The following DBN1 variants were observed in gnomAD, a reference collection of about 807,000 sequenced individuals.
The protein encoded by DBN1 is drebrin.
DBN1 carries 21 observed loss-of-function variants against 83.5 expected under a neutral mutation model. That is an observed-to-expected ratio of 0.25 (90% confidence interval 0.18 to 0.36). The LOEUF is 0.36. Ranked by LOEUF, DBN1 falls within the 10% of genes least tolerant of loss-of-function variation. The probability of loss-of-function intolerance (pLI) is 1.00; values close to 1 mark genes in which losing one functional copy is unlikely to be tolerated. For synonymous variants in DBN1, 381 were observed against 384.9 expected (o/e 0.99, Z 0.12); for missense variants, 874 against 935.7 (o/e 0.93, Z 0.86).
At chr5:177,471,985 C>G in intron 1 of DBN1, 3 of 991,774 alleles carry the variant, frequency 3.0e-6, no homozygotes, top group Non-Finnish European at 4.3e-6. Flanking sequence ...TATCCCAAAG[C>G]CAGCTCCTTC....
chr5:177,465,454 A>T (rs1042303869), intron 8 of DBN1, among the ~76,000 whole-genome samples: 1 of 152,236 alleles, frequency 6.6e-6, no homozygotes, highest in African/African-American at 2.4e-5. Context: ...TTTGTGTTTA[A>T]TGGATGGTGG....
intron 8 of DBN1, among the ~76,000 whole-genome samples, chr5:177,463,279 C>T (rs1016523719): frequency 1.2e-4 from 19 of 152,164 alleles, no homozygotes; most frequent in African/African-American, 3.1e-4. Context: ...CCTCATGATC[C>T]GCCTGCCTTG....
At chr5:177,460,121 C>T (rs1561679216) in intron 10 of DBN1, among the ~76,000 whole-genome samples, 1 of 152,248 alleles carries the variant, frequency 6.6e-6, no homozygotes, top group African/African-American at 2.4e-5. Context: ...GCATTCCGGC[C>T]TTCCAGGCCA....
At chr5:177,471,509 C>T (rs537560067) in intron 1 of DBN1, among the ~76,000 whole-genome samples, 3 of 152,178 alleles carry the variant, frequency 2.0e-5, no homozygotes, top group Admixed American at 6.5e-5. Flanking sequence ...GCAATTTACC[C>T]AAGACACCCC....
At chr5:177,462,262 G>C in intron 8 of DBN1, 1 of 984,834 alleles carries the variant, frequency 1.0e-6, no homozygotes, top group Non-Finnish European at 1.2e-6. Context: ...TCCTCAGCAC[G>C]ACGCAGTCAG....
At chr5:177,457,887 T>C (rs1293858718) in intron 13 of DBN1, 130 bp from the exon 14 acceptor site, 2 of 1,113,290 alleles carry the variant, frequency 1.8e-6, no homozygotes, top group Non-Finnish European at 2.7e-6. Flanking sequence ...GATGCCTGCC[T>C]TGGGAACAAA....
intron 1 of DBN1, among the ~76,000 whole-genome samples, chr5:177,471,629 C>A (rs1358830017): frequency 6.6e-6 from 1 of 152,186 alleles, no homozygotes. Context: ...AGAAAGTGAT[C>A]CTCACACCCC....
At chr5:177,460,091 G>T (rs1290527432) in intron 10 of DBN1, among the ~76,000 whole-genome samples, 1 of 152,200 alleles carries the variant, frequency 6.6e-6, no homozygotes, top group Admixed American at 6.5e-5. Flanking sequence ...TCAGGCCCGG[G>T]GCAAGAGCCC....
rs1581722809 is a variant in DBN1 at position 177,462,380 on chromosome 5, G to C, written c.772-1677C>G. On this transcript the variant is annotated intron_variant, in intron 8 of 14. Coordinates refer to ENST00000393565, the MANE Select transcript of DBN1 (RefSeq NM_001363541.2). Reference sequence around the variant, plus strand: ...CGGGGGCCAGGCCCTCTGGTTTCCAGCTGCAGCGTGGCCACTGCTTCCTGG... The same window carrying C: ...CGGGGGCCAGGCCCTCTGGTTTCCACCTGCAGCGTGGCCACTGCTTCCTGG... The C allele has an allele frequency of 4.1e-6, 4 of 985,532 alleles. No homozygotes were observed. In the East Asian group the frequency reaches 3.4e-4, roughly 84 times the overall value. 61.0% of individuals were successfully genotyped at this position (985,532 alleles called of 1,614,324 possible). A position where few individuals can be genotyped will look rare whatever the true frequency, so the allele number is the denominator to read the frequency against.
intron 8 of DBN1, among the ~76,000 whole-genome samples, chr5:177,464,646 TAATA>T (rs1335029355): frequency 1.3e-4 from 18 of 133,630 alleles, no homozygotes; most frequent in Non-Finnish European, 8.3e-5. Context: ...AATAAATAAA[TAATA>T]AACTTTATCT....
rs776551029 is a variant in DBN1, at chr5:177,459,101, G to C, written c.1261C>G (p.Gln421Glu). ...GCAGGTAGCATCCCTCTCTCACCTT[G>C]GGCTGGTGGGGGTGGCGGTGGCAGT... is the stretch of plus-strand genomic sequence containing the variant. ...PPLPPPPPPA[Q>E]ETQEPSPILD... The change falls in exon 12 of 15, where the codon CAA becomes GAA. Residue 421 changes from glutamine (Q) to glutamate (E), a missense_variant. This residue lies in a region of DBN1 where 725 missense variants were observed against 719.7 expected (regional missense o/e 1.01). Coordinates refer to ENST00000393565, the MANE Select transcript of DBN1 (RefSeq NM_001363541.2). The C allele has an allele frequency of 5.0e-6, 8 of 1,605,952 alleles. No homozygotes were observed. In the South Asian group the frequency reaches 5.5e-5, roughly 11 times the overall value.
chr5:177,464,950 C>G (rs193040709), intron 8 of DBN1, among the ~76,000 whole-genome samples: 5,991 of 152,002 alleles, frequency 0.039, 171 homozygotes, highest in Non-Finnish European at 0.052. Context: ...GTCAGGAGAT[C>G]GAGACCACCC....
rs200835323 is a variant in DBN1, at chr5:177,457,506, G to A, written c.2018-3C>T. On this transcript the variant is annotated splice_region_variant and splice_polypyrimidine_tract_variant and intron_variant, in intron 14 of 14. Coordinates refer to ENST00000393565, the MANE Select transcript of DBN1 (RefSeq NM_001363541.2). ...ATCCCAGCATGTGATGTCGATCTCT[G>A]TGGCGTTAGAAAGGGAGAGGAGTTA... The A allele has an allele frequency of 4.3e-6, 7 of 1,614,012 alleles. No homozygotes were observed. The highest frequency in any genetic ancestry group is 5.1e-6 in the Non-Finnish European group (6 of 1,179,826).
In DBN1 at chr5:177,458,096, G is replaced by T; in HGVS notation, c.1876C>A (p.Leu626Ile). 6.2e-7 allele frequency: 1 copy of T among 1,613,818 alleles called. No homozygotes were observed. The highest frequency in any genetic ancestry group is 8.5e-7 in the Non-Finnish European group (1 of 1,180,016). ...EQEQEPEPHL[L>I]TNGETTQKEG... is the part of the protein sequence containing the mutation. ...TTCTGGGTGGTCTCGCCATTGGTTAGCAGGTGGGGCTCCGGCTCCTGCTCT... is the reference window on the plus strand; with the variant it reads ...TTCTGGGTGGTCTCGCCATTGGTTATCAGGTGGGGCTCCGGCTCCTGCTCT... Residue 626 changes from leucine to isoleucine, a missense_variant, in exon 13 of 15, where the codon CTA (leucine) becomes ATA (isoleucine). Transcript: ENST00000393565.
Position 177,458,253 on chromosome 5 carries a change from A to G in DBN1, c.1719T>C (p.Cys573=). 1 of 1,613,764 alleles carries G rather than the reference A, an allele frequency of 6.2e-7. No individual in the cohort carries two copies. The highest frequency in any genetic ancestry group is 8.5e-7 in the Non-Finnish European group (1 of 1,179,976). ...PEPLLPAGEG[C]ATLLNFDELP... ...GCTCATCAAAGTTGAGAAGGGTGGC[A>G]CAGCCTTCGCCTGCTGGCAGCAGTG... The change falls in exon 13 of 15, where the codon TGT becomes TGC. Residue 573 remains cysteine, a synonymous_variant. Transcript: ENST00000393565.
chr5:177,469,221 G>C (rs1757679337), intron 1 of DBN1, among the ~76,000 whole-genome samples: 1 of 152,140 alleles, frequency 6.6e-6, no homozygotes, highest in East Asian at 1.9e-4. Flanking sequence ...CAAGGCGACG[G>C]TTCCTTGGTT....
rs567721103 is a variant in DBN1 at position 177,466,117 on chromosome 5, C to T, written c.771+655G>A. On this transcript the variant is annotated intron_variant, in intron 8 of 14. Coordinates refer to ENST00000393565, the MANE Select transcript of DBN1 (RefSeq NM_001363541.2). This position sits in a 1 kb window ranked among gnomAD's most constrained non-coding sequence, Gnocchi z 4.8. ...ACTCCGGAGCCCGTTTGAGTCCCCA[C>T]AGCCATGCATCTGCCCATTACAGTC... Among the ~76,000 whole-genome samples the T allele has an allele frequency of 2.0e-5, 3 of 152,292 alleles. No individual in the cohort carries two copies. Among genetic ancestry groups the T allele is most frequent in the African/African-American group, 4.8e-5 (2 of 41,554 alleles).
Position 177,466,872 on chromosome 5 carries a change from C to T in DBN1, c.708-37G>A. On this transcript the variant is annotated intron_variant, in intron 7 of 14. Coordinates refer to ENST00000393565, the MANE Select transcript of DBN1 (RefSeq NM_001363541.2). The surrounding 1 kb of genome is among the most constrained non-coding windows in gnomAD (Gnocchi z 4.8). ...AGCAGCCAGCACCCGTCAGGGTGCGCCCGGGGGCCCCTGGAGCGCTCCGGG... is the reference window on the plus strand; with the variant it reads ...AGCAGCCAGCACCCGTCAGGGTGCGTCCGGGGGCCCCTGGAGCGCTCCGGG... 1 of 1,613,794 alleles carries T rather than the reference C, an allele frequency of 6.2e-7. No individual in the cohort carries two copies. The highest frequency in any genetic ancestry group is 2.2e-5 in the East Asian group (1 of 44,860).
At chr5:177,457,955 C>G in intron 13 of DBN1, 103 bp downstream of exon 13, 1 of 1,520,834 alleles carries the variant, frequency 6.6e-7, no homozygotes, top group South Asian at 1.1e-5. Flanking sequence ...TAATGTGGGT[C>G]ACAGAGAAGG....
Sources: gnomAD v4.1 joint callset for allele counts (sites outside exome capture counted in the v4.1 genomes callset) on GRCh38, gnomAD v4.1.1 for gene constraint, gnomAD v4.1.1 regional missense constraint, Gnocchi (gnomAD v3.1) non-coding constraint, MANE v1.5 for transcripts, NCBI Gene and HGNC (gene_info 2026-07-23, HGNC 2026-07-21) for gene names.